The following CSF3 variants were observed in gnomAD, a reference collection of about 807,000 sequenced individuals.
CSF3 encodes the protein granulocyte colony-stimulating factor.
Under a neutral mutation model 20.2 loss-of-function variants are expected in CSF3, and 17 were observed. The observed-to-expected ratio is 0.84, with a 90% CI of 0.58 to 1.26. The LOEUF is 1.26. Ranked by LOEUF, CSF3 falls within the 50% of genes most tolerant of loss-of-function variation. The pLI, the probability that CSF3 is intolerant of heterozygous loss-of-function variation, is 0.00. For synonymous variants in CSF3, 125 were observed against 115.3 expected (o/e 1.08, Z -0.54); for missense variants, 210 against 256.0 (o/e 0.82, Z 1.23).
Position 40,016,489 on chromosome 17 carries a change from G to A in CSF3, c.308G>A (p.Gly103Asp), listed in dbSNP as rs754670741. The A allele has an allele frequency of 1.9e-6, 3 of 1,614,020 alleles. No individual in the cohort carries two copies. Among genetic ancestry groups the A allele is most frequent in the Admixed American group, 1.7e-5 (1 of 59,990 alleles). ...CTCTTCCGCTCTGTCTCACAGGCAG[G>A]CTGCTTGAGCCAACTCCATAGCGGC... ...SCPSQALQLA[G>D]CLSQLHSGLF... is the part of the protein sequence containing the mutation. The change falls in exon 4 of 5, where the codon GGC (glycine) becomes GAC (aspartate). Residue 103 changes from glycine (G) to aspartate (D), a missense_variant. Gly to Asp is a moderately conservative substitution (Grantham distance 94). Coordinates refer to ENST00000394149, the MANE Select transcript of CSF3 (RefSeq NM_172219.3).
intron 3 of CSF3, 27 bp from the exon 4 acceptor site, chr17:40,016,458 C>T (rs774832032): frequency 6.2e-7 from 1 of 1,613,654 alleles, no homozygotes; most frequent in Admixed American, 1.7e-5. Context: ...AGGCAGCACC[C>T]CCTAACTCTT....
intron 2 of CSF3, 69 bp from the exon 3 acceptor site, chr17:40,016,164 C>T (rs149239859): frequency 3.2e-4 from 388 of 1,225,036 alleles, no homozygotes; most frequent in East Asian, 7.2e-4. Flanking sequence ...ACCAGAGAGT[C>T]GGGGAGGACC....
In CSF3 at chr17:40,016,930, C is replaced by T. The variant is rs1375440841; in HGVS notation, c.586C>T (p.Arg196Cys). ...HLQSFLEVSYRVLRHLAQP is the reference protein window; with the variant it reads ...HLQSFLEVSYCVLRHLAQP Reference sequence around the variant, plus strand: ...GCAGAGCTTCCTGGAGGTGTCGTACCGCGTTCTACGCCACCTTGCCCAGCC... The same window carrying T: ...GCAGAGCTTCCTGGAGGTGTCGTACTGCGTTCTACGCCACCTTGCCCAGCC... Residue 196 changes from arginine (R) to cysteine (C), a missense_variant, in exon 5 of 5, where the codon CGC becomes TGC. Transcript: ENST00000394149. 3.7e-6 allele frequency: 6 copies of T among 1,606,558 alleles called. No homozygotes were observed. The highest frequency in any genetic ancestry group is 2.2e-5 in the East Asian group (1 of 44,748).
chr17:40,017,036 G>A lies in CSF3; in HGVS notation c.*77G>A. ...TTTAAGCCTCATATTTAAAGACAGG[G>A]AAGAGCAGAACGGAGCCCCAGGCCT... On this transcript the variant is annotated 3_prime_UTR_variant, in exon 5 of 5. Transcript: ENST00000394149. 9.4e-6 allele frequency: 13 copies of A among 1,385,722 alleles called. No individual in the cohort carries two copies. Among genetic ancestry groups the A allele is most frequent in the Non-Finnish European group, 1.2e-5 (13 of 1,042,500 alleles). The allele number at this position is 1,385,722 out of a possible 1,614,324, so 85.8% of individuals were successfully genotyped here.
At position 40,017,199 on chromosome 17, in the gene CSF3, T is replaced by G. The variant is rs1981457092; in HGVS notation, c.*240T>G. On this transcript the variant is annotated 3_prime_UTR_variant, in exon 5 of 5. Coordinates refer to ENST00000394149, the MANE Select transcript of CSF3 (RefSeq NM_172219.3). ...TATTACTATGACTGCTCCCCAGCCC[T>G]GGCTCTGCAATGGGCACTGGGATGA... 2.5e-6 allele frequency: 1 copy of G among 394,554 alleles called. No homozygotes were observed. The highest frequency in any genetic ancestry group is 4.5e-6 in the Non-Finnish European group (1 of 223,222). The allele number at this position is 394,554 out of a possible 1,614,324, so 24.4% of individuals were successfully genotyped here. A position where few individuals can be genotyped will look rare whatever the true frequency, so the allele number is the denominator to read the frequency against.
In CSF3 at chr17:40,015,481, G is replaced by C; in HGVS notation, c.7G>C (p.Gly3Arg). The change falls in exon 1 of 5, where the codon GGA becomes CGA. Residue 3 changes from glycine (G) to arginine (R), a missense_variant. Gly to Arg is a moderately radical substitution (Grantham distance 125). Coordinates refer to ENST00000394149, the MANE Select transcript of CSF3 (RefSeq NM_172219.3). Reference sequence around the variant, plus strand: ...CCCAGCCCCACCCAGACCCATGGCTGGACCTGCCACCCAGAGCCCCATGAA... The same window carrying C: ...CCCAGCCCCACCCAGACCCATGGCTCGACCTGCCACCCAGAGCCCCATGAA... MA[G>R]PATQSPMKLM... The C allele has an allele frequency of 5.2e-6, 8 of 1,551,456 alleles. No homozygotes were observed. Among genetic ancestry groups the C allele is most frequent in the Non-Finnish European group, 7.0e-6 (8 of 1,146,974 alleles).
intron 2 of CSF3, 21 bp downstream of exon 2, chr17:40,015,866 G>C (rs1331835258): frequency 1.9e-6 from 3 of 1,592,984 alleles, no homozygotes; most frequent in Non-Finnish European, 2.6e-6. Flanking sequence ...TGGGTGAGAG[G>C]GCTGTGGAGG....
At position 40,015,895 on chromosome 17, in the gene CSF3, C is replaced by G. The variant is rs756725162; in HGVS notation, c.195+50C>G. On this transcript the variant is annotated intron_variant, in intron 2 of 4. Coordinates refer to ENST00000394149, the MANE Select transcript of CSF3 (RefSeq NM_172219.3). ...GTGGAGGGAAGCCCGGTGGGGAGAG[C>G]TAAGGGGGATGGAACTGCAGGGCCA... The G allele has an allele frequency of 1.9e-6, 3 of 1,562,666 alleles. No individual in the cohort carries two copies. The Admixed American group carries it at 5.4e-5, about 28-fold the overall frequency.
chr17:40,016,871 G>A lies in CSF3; in HGVS notation c.527G>A (p.Arg176His), dbSNP rs767498933. 8.7e-6 allele frequency: 14 copies of A among 1,613,382 alleles called. No homozygotes were observed. Among genetic ancestry groups the A allele is most frequent in the African/African-American group, 2.7e-5 (2 of 74,900 alleles). The change falls in exon 5 of 5, where the codon CGC (arginine) becomes CAC (histidine). Residue 176 changes from arginine to histidine, a missense_variant. By Grantham distance (29) the Arg-to-His change is conservative. Transcript: ENST00000394149. The part of the protein sequence containing the change: ...AMPAFASAFQ[R>H]RAGGVLVASH... ...CCGGCCTTCGCCTCTGCTTTCCAGC[G>A]CCGGGCAGGAGGGGTCCTGGTTGCC...
Position 40,016,279 on chromosome 17 carries a change from G to C in CSF3, c.242G>C (p.Gly81Ala). 1 of 1,589,866 alleles carries C rather than the reference G, an allele frequency of 6.3e-7. No homozygotes were observed. Among genetic ancestry groups the C allele is most frequent in the Non-Finnish European group, 8.6e-7 (1 of 1,168,392 alleles). The change falls in exon 3 of 5, where the codon GGA (glycine) becomes GCA (alanine). Residue 81 changes from glycine to alanine, a missense_variant. Coordinates refer to ENST00000394149, the MANE Select transcript of CSF3 (RefSeq NM_172219.3). ...LCHPEELVLLGHSLGIPWAPL... is the reference protein window; with the variant it reads ...LCHPEELVLLAHSLGIPWAPL... ...CACCCCGAGGAGCTGGTGCTGCTCG[G>C]ACACTCTCTGGGCATCCCCTGGGCT...
At position 40,015,494 on chromosome 17, in the gene CSF3, A is replaced by G. The variant is rs1435158668; in HGVS notation, c.20A>G (p.Gln7Arg). The G allele has an allele frequency of 1.3e-6, 2 of 1,551,308 alleles. No individual in the cohort carries two copies. Among genetic ancestry groups the G allele is most frequent in the Non-Finnish European group, 1.7e-6 (2 of 1,146,976 alleles). Residue 7 changes from glutamine (Q) to arginine (R), a missense_variant, in exon 1 of 5, where the codon CAG becomes CGG. Physicochemically the swap from Gln to Arg is conservative, Grantham distance 43. Transcript: ENST00000394149. ...AGACCCATGGCTGGACCTGCCACCCAGAGCCCCATGAAGCTGATGGGTGAG... is the reference window on the plus strand; with the variant it reads ...AGACCCATGGCTGGACCTGCCACCCGGAGCCCCATGAAGCTGATGGGTGAG... MAGPAT[Q>R]SPMKLMALQL...
rs1981423163 is a variant in CSF3 at position 40,016,822 on chromosome 17, C to T, written c.478C>T (p.Leu160=). ...GGAAGAACTGGGAATGGCCCCTGCC[C>T]TGCAGCCCACCCAGGGTGCCATGCC... ...QMEELGMAPA[L]QPTQGAMPAF... The change falls in exon 5 of 5, where the codon CTG becomes TTG. Residue 160 remains leucine, a synonymous_variant. Coordinates refer to ENST00000394149, the MANE Select transcript of CSF3 (RefSeq NM_172219.3). 1 of 1,613,056 alleles carries T rather than the reference C, an allele frequency of 6.2e-7. No individual in the cohort carries two copies. Among genetic ancestry groups the T allele is most frequent in the South Asian group, 1.1e-5 (1 of 91,034 alleles).
At position 40,016,072 on chromosome 17, in the gene CSF3, A is replaced by C. The variant is rs866491134; in HGVS notation, c.196-161A>C. 2.1e-4 allele frequency: 170 copies of C among 815,154 alleles called. No homozygotes were observed. In the African/African-American group the frequency reaches 2.4e-3, roughly 11 times the overall value. 50.5% of individuals were successfully genotyped at this position (815,154 alleles called of 1,614,324 possible). A position where few individuals can be genotyped will look rare whatever the true frequency, so the allele number is the denominator to read the frequency against. Reference sequence around the variant, plus strand: ...GGCATTACATTCAGGAGAAAGGGCAAGGGCCCCTGTGAGATCAGAGAGTGG... The same window carrying C: ...GGCATTACATTCAGGAGAAAGGGCACGGGCCCCTGTGAGATCAGAGAGTGG... On this transcript the variant is annotated intron_variant, in intron 2 of 4. Coordinates refer to ENST00000394149, the MANE Select transcript of CSF3 (RefSeq NM_172219.3).
Position 40,015,837 on chromosome 17 carries a change from G to A in CSF3, c.187G>A (p.Glu63Lys). 6.2e-7 allele frequency: 1 copy of A among 1,606,308 alleles called. No homozygotes were observed. Among genetic ancestry groups the A allele is most frequent in the Non-Finnish European group, 8.5e-7 (1 of 1,174,488 alleles). The change falls in exon 2 of 5, where the codon GAG (glutamate) becomes AAG (lysine). Residue 63 changes from glutamate to lysine, a missense_variant. Physicochemically the swap from Glu to Lys is moderately conservative, Grantham distance 56. Coordinates refer to ENST00000394149, the MANE Select transcript of CSF3 (RefSeq NM_172219.3). Reference sequence around the variant, plus strand: ...CCAGGGCGATGGCGCAGCGCTCCAGGAGAAGCTGGTGAGTGAGGTGGGTGA... The same window carrying A: ...CCAGGGCGATGGCGCAGCGCTCCAGAAGAAGCTGGTGAGTGAGGTGGGTGA... The part of the protein sequence containing the change: ...KIQGDGAALQ[E>K]KLCATYKLCH...
intron 2 of CSF3, 153 bp downstream of exon 2, chr17:40,015,998 G>A: frequency 1.7e-6 from 2 of 1,205,682 alleles, no homozygotes; most frequent in Non-Finnish European, 2.3e-6. Flanking sequence ...TGGGGAGGAG[G>A]ACCTTGGTGG....
At chr17:40,016,040 G>A (rs1981361900) in intron 2 of CSF3, 193 bp from the exon 3 acceptor site, 1 of 926,822 alleles carries the variant, frequency 1.1e-6, no homozygotes, top group Non-Finnish European at 1.6e-6. Flanking sequence ...GCTGGGATGG[G>A]AGTGGAGGCA....
At position 40,016,966 on chromosome 17, in the gene CSF3, C is replaced by T; in HGVS notation, c.*7C>T. Reference sequence around the variant, plus strand: ...CCACCTTGCCCAGCCCTGAGCCAAGCCCTCCCCATCCCATGTATTTATCTC... The same window carrying T: ...CCACCTTGCCCAGCCCTGAGCCAAGTCCTCCCCATCCCATGTATTTATCTC... On this transcript the variant is annotated 3_prime_UTR_variant, in exon 5 of 5. Coordinates refer to ENST00000394149, the MANE Select transcript of CSF3 (RefSeq NM_172219.3). 1 of 1,548,306 alleles carries T rather than the reference C, an allele frequency of 6.5e-7. No individual in the cohort carries two copies. Among genetic ancestry groups the T allele is most frequent in the Admixed American group, 2.1e-5 (1 of 47,986 alleles).
Position 40,016,874 on chromosome 17 carries a change from G to A in CSF3, c.530G>A (p.Arg177Gln), listed in dbSNP as rs190847104. 1.5e-5 allele frequency: 24 copies of A among 1,613,516 alleles called. No homozygotes were observed. The highest frequency in any genetic ancestry group is 1.8e-4 in the Middle Eastern group (1 of 5,686). The change falls in exon 5 of 5, where the codon CGG (arginine) becomes CAG (glutamine). Residue 177 changes from arginine (R) to glutamine (Q), a missense_variant. Coordinates refer to ENST00000394149, the MANE Select transcript of CSF3 (RefSeq NM_172219.3). ...MPAFASAFQR[R>Q]AGGVLVASHL... ...GCCTTCGCCTCTGCTTTCCAGCGCC[G>A]GGCAGGAGGGGTCCTGGTTGCCTCC...
Position 40,016,244 on chromosome 17 carries a change from C to A in CSF3, c.207C>A (p.Tyr69Ter). The A allele has an allele frequency of 1.3e-6, 2 of 1,555,892 alleles. No individual in the cohort carries two copies. The highest frequency in any genetic ancestry group is 1.2e-5 in the South Asian group (1 of 85,606). The change falls in exon 3 of 5, where the codon TAC (tyrosine) becomes TAA (stop). Residue 69 changes from tyrosine to a stop codon, truncating the protein, a stop_gained. Coordinates refer to ENST00000394149, the MANE Select transcript of CSF3 (RefSeq NM_172219.3). LOFTEE classifies it high-confidence loss of function. ...AALQEKLCAT[Y>*]KLCHPEELVL... The stretch of plus-strand genomic sequence containing the variant: ...CCTTCCATCCCCAGTGTGCCACCTA[C>A]AAGCTGTGCCACCCCGAGGAGCTGG...
Sources: allele counts gnomAD v4.1 joint callset, GRCh38; gene constraint gnomAD v4.1.1; transcripts MANE v1.5; gene names NCBI Gene and HGNC (gene_info 2026-07-23, HGNC 2026-07-21).